RPS6KC1: variants seen among roughly 807,000 people sequenced by gnomAD.
RPS6KC1 encodes ribosomal protein S6 kinase C1.
RPS6KC1 carries 54 observed loss-of-function variants against 103.8 expected under a neutral mutation model. That is an observed-to-expected ratio of 0.52 (90% CI 0.42 to 0.65). RPS6KC1 has a LOEUF of 0.65. Ranked by LOEUF, RPS6KC1 falls within the 30% of genes least tolerant of loss-of-function variation. RPS6KC1 has a pLI of 0.00. For synonymous variants in RPS6KC1, 439 were observed against 438.7 expected, an observed-to-expected ratio of 1.00 and a Z score of -0.01; for missense variants, 1,151 against 1,253.8, an observed-to-expected ratio of 0.92 and a Z score of 1.24.
the RPS6KC1 span, among the ~76,000 whole-genome samples, chr1:213,700,165 G>A: frequency 6.6e-6 from 1 of 151,566 alleles, no homozygotes; most frequent in Non-Finnish European, 1.5e-5. Context: ...TTTCTTGTAG[G>A]AATTTCATAG....
intron 4 of RPS6KC1, among the ~76,000 whole-genome samples, chr1:213,104,941 C>T (rs942138330): frequency 3.8e-4 from 57 of 151,844 alleles, no homozygotes; most frequent in African/African-American, 1.1e-3. Flanking sequence ...GTTTAACTCA[C>T]TCTGTCATAA....
the RPS6KC1 span, among the ~76,000 whole-genome samples, chr1:213,419,268 T>C: frequency 3.3e-5 from 5 of 152,204 alleles, no homozygotes; most frequent in African/African-American, 1.2e-4. Context: ...ATCCAAGTTA[T>C]CCACATTGTC....
chr1:213,694,129 C>T, the RPS6KC1 span, among the ~76,000 whole-genome samples: 214 of 152,346 alleles, frequency 1.4e-3, 1 homozygote, highest in Non-Finnish European at 1.7e-3. Flanking sequence ...AGGCTGGGAT[C>T]GGGATTATAG....
chr1:213,323,041 G>A, the RPS6KC1 span, among the ~76,000 whole-genome samples: 3 of 150,214 alleles, frequency 2.0e-5, no homozygotes, highest in South Asian at 6.4e-4. Flanking sequence ...TGGGATTACA[G>A]GTGTGAGCCA....
chr1:213,744,252 A>T, the RPS6KC1 span, among the ~76,000 whole-genome samples: 1 of 152,146 alleles, frequency 6.6e-6, no homozygotes, highest in African/African-American at 2.4e-5. Flanking sequence ...GAATTTGTTT[A>T]TCCATGTAAA....
chr1:213,111,135 G>C (rs1214248181), intron 4 of RPS6KC1, among the ~76,000 whole-genome samples: 1 of 151,788 alleles, frequency 6.6e-6, no homozygotes, highest in Non-Finnish European at 1.5e-5. Context: ...GTGGTTTCTC[G>C]GTAACCACTC....
At chr1:213,383,280 G>T in the RPS6KC1 span, among the ~76,000 whole-genome samples, 4 of 152,238 alleles carry the variant, frequency 2.6e-5, no homozygotes, top group African/African-American at 9.6e-5. Flanking sequence ...ATGGAGTCAT[G>T]TGCAACCTTC....
chr1:213,602,137 T>TCTTC, the RPS6KC1 span, among the ~76,000 whole-genome samples: 1 of 76,208 alleles, frequency 1.3e-5, no homozygotes, highest in Non-Finnish European at 2.5e-5. Flanking sequence ...TTTCTTTCTT[T>TCTTC]CTTTCTTTCT....
At chr1:213,645,108 C>CT in the RPS6KC1 span, among the ~76,000 whole-genome samples, 1 of 152,086 alleles carries the variant, frequency 6.6e-6, no homozygotes, top group Non-Finnish European at 1.5e-5. Flanking sequence ...TAGCAACTGC[C>CT]TTTTTTGGCT....
At chr1:213,363,021 G>C in the RPS6KC1 span, among the ~76,000 whole-genome samples, 3 of 152,084 alleles carry the variant, frequency 2.0e-5, no homozygotes, top group Non-Finnish European at 4.4e-5. Flanking sequence ...TATCCTGTTG[G>C]TTCTGTTTCT....
Position 213,051,377 on chromosome 1 carries a change from T to TGGCGGCGGCGGCAGA in RPS6KC1, c.-19_-5dup, listed in dbSNP as rs1558218275. 6.4e-7 allele frequency: 1 copy of TGGCGGCGGCGGCAGA among 1,553,146 alleles called. No homozygotes were observed. The highest frequency in any genetic ancestry group is 8.9e-7 in the Non-Finnish European group (1 of 1,129,248). On this transcript the variant is annotated 5_prime_UTR_variant, in exon 1 of 15. Coordinates refer to ENST00000366960, the MANE Select transcript of RPS6KC1 (RefSeq NM_012424.6). ...GGTTTCCCTCATGATCCCGGGCGGG[T>TGGCGGCGGCGGCAGA]GGCGGCGGCGGCAGAGGCGGCGGGA...
At chr1:213,116,852 C>A (rs1046577779) in intron 4 of RPS6KC1, among the ~76,000 whole-genome samples, 2 of 152,060 alleles carry the variant, frequency 1.3e-5, no homozygotes, top group African/African-American at 2.4e-5. Flanking sequence ...GTTGAAAATT[C>A]TTTTCTTTAA....
the RPS6KC1 span, among the ~76,000 whole-genome samples, chr1:213,705,465 C>T: frequency 6.6e-6 from 1 of 152,214 alleles, no homozygotes; most frequent in African/African-American, 2.4e-5. Context: ...CCTAAGGTCT[C>T]TTCAGTCAGC....
rs1283152382 is a variant in RPS6KC1 at position 213,070,986 on chromosome 1, C to G, written c.106-20C>G. ...AAATTTTGATAATGATTAGAGATTT[C>G]TATGTATGTTTTGTTTTAGGTTGTT... On this transcript the variant is annotated intron_variant, in intron 1 of 14. Transcript: ENST00000366960. 6.9e-7 allele frequency: 1 copy of G among 1,456,638 alleles called. No individual in the cohort carries two copies. The highest frequency in any genetic ancestry group is 2.0e-5 in the Admixed American group (1 of 50,370). 90.2% of individuals were successfully genotyped at this position (1,456,638 alleles called of 1,614,324 possible).
chr1:213,729,999 C>T, the RPS6KC1 span, among the ~76,000 whole-genome samples: 2 of 152,132 alleles, frequency 1.3e-5, no homozygotes, highest in African/African-American at 4.8e-5. Context: ...CATTTAGCCC[C>T]CACTTATAAG....
the RPS6KC1 span, among the ~76,000 whole-genome samples, chr1:213,495,240 G>A: frequency 2.0e-5 from 3 of 152,116 alleles, no homozygotes; most frequent in African/African-American, 7.2e-5. Context: ...TGTGTGCCAG[G>A]CACTGTCCTA....
At chr1:213,355,122 G>T in the RPS6KC1 span, among the ~76,000 whole-genome samples, 1 of 152,016 alleles carries the variant, frequency 6.6e-6, no homozygotes, top group East Asian at 1.9e-4. Flanking sequence ...GGAGGCTGAG[G>T]CAGGAGAATC....
At position 213,117,410 on chromosome 1, in the gene RPS6KC1, G is replaced by T. The variant is rs2083783094; in HGVS notation, c.472G>T (p.Gly158Cys). ...IDTFPECSTEGFSSDSDLVSL... is the reference protein window; with the variant it reads ...IDTFPECSTECFSSDSDLVSL... ...TACCTTTCCTGAGTGTAGTACGGAA[G>T]GTAAGAGATTTTAATTTTTTTGCAT... Residue 158 changes from glycine (G) to cysteine (C), a missense_variant and splice_region_variant, in exon 5 of 15, where the codon GGC becomes TGC. Physicochemically the swap from Gly to Cys is radical, Grantham distance 159. Around this residue, in one of 3 missense-constraint regions of RPS6KC1, gnomAD observed 959 missense variants for 1,006.3 expected, o/e 0.95. Transcript: ENST00000366960. 6.3e-7 allele frequency: 1 copy of T among 1,581,944 alleles called. No homozygotes were observed.
At chr1:213,207,727 G>A (rs2093392290) in intron 8 of RPS6KC1, among the ~76,000 whole-genome samples, 1 of 152,038 alleles carries the variant, frequency 6.6e-6, no homozygotes, top group South Asian at 2.1e-4. Flanking sequence ...AGGCTGGAGT[G>A]CAGTGGCGCG....
Sources: allele counts gnomAD v4.1 joint callset (sites outside exome capture counted in the v4.1 genomes callset), GRCh38; gene constraint gnomAD v4.1.1; regional missense constraint gnomAD v4.1.1; transcripts MANE v1.5; gene names NCBI Gene and HGNC (gene_info 2026-07-23, HGNC 2026-07-21).